The following CPLANE1 variants were observed in gnomAD, a reference collection of about 807,000 sequenced individuals.
The protein encoded by CPLANE1 is ciliogenesis and planar polarity effector complex subunit 1.
In CPLANE1, 263 loss-of-function variants were observed where a neutral mutation model predicts 362.5. The observed-to-expected ratio is 0.73, with a 90% CI of 0.66 to 0.80. CPLANE1 has a LOEUF of 0.80. Ranked by LOEUF, CPLANE1 falls within the 30% of genes least tolerant of loss-of-function variation. The pLI is 0.00. For synonymous variants in CPLANE1, 1,212 were observed against 1,302.6 expected (o/e 0.93, Z 1.50); for missense variants, 3,461 against 3,793.4 (o/e 0.91, Z 2.30).
Position 37,169,220 on chromosome 5 carries a change from T to C in CPLANE1, c.6804A>G (p.Gln2268=), listed in dbSNP as rs1580368366. The change falls in exon 34 of 53, where the codon CAA becomes CAG. Residue 2268 remains glutamine, a synonymous_variant. Coordinates refer to ENST00000651892, the MANE Select transcript of CPLANE1 (RefSeq NM_001384732.1). The part of the protein sequence containing the change: ...REAWGLSDSF[Q]PALPQRAAQT... ...GTGCTGCTCTCTGTGGCAGAGCAGGTTGGAAGGAGTCAGATAATCCCCAAG... is the reference window on the plus strand; with the variant it reads ...GTGCTGCTCTCTGTGGCAGAGCAGGCTGGAAGGAGTCAGATAATCCCCAAG... The C allele has an allele frequency of 5.6e-6, 9 of 1,614,088 alleles. No homozygotes were observed. The highest frequency in any genetic ancestry group is 1.6e-4 in the Middle Eastern group (1 of 6,062).
intron 38 of CPLANE1, among the ~76,000 whole-genome samples, chr5:37,160,960 C>G (rs990400276): frequency 6.6e-6 from 1 of 152,122 alleles, no homozygotes. Context: ...CGTGAGCCAC[C>G]GCGCCCAGCC....
intron 14 of CPLANE1, among the ~76,000 whole-genome samples, chr5:37,224,051 A>G (rs1795918199): frequency 1.3e-5 from 2 of 152,324 alleles, no homozygotes; most frequent in South Asian, 2.1e-4. Flanking sequence ...CAAGTTGCCT[A>G]CAACATGTAT....
At chr5:37,080,809 C>A in the CPLANE1 span, among the ~76,000 whole-genome samples, 1 of 151,984 alleles carries the variant, frequency 6.6e-6, no homozygotes, top group Non-Finnish European at 1.5e-5. Flanking sequence ...AGAGTAAGGC[C>A]CACAAAGCAT....
chr5:37,169,584 T>G (rs1205003061), intron 33 of CPLANE1, 23 bp from the exon 34 acceptor site: 1 of 1,548,972 alleles, frequency 6.5e-7, no homozygotes, highest in Non-Finnish European at 8.7e-7. Context: ...AAAGATATTA[T>G]GTAAGTTTAG....
chr5:37,169,196 T>C lies in CPLANE1; in HGVS notation c.6828A>G (p.Ala2276=). Residue 2276 remains alanine, a synonymous_variant, in exon 34 of 53, where the codon GCA becomes GCG. Transcript: ENST00000651892. ...SFQPALPQRA[A]QTTPASHLNV... ...TCAAATGGGATGCTGGAGTAGTTTG[T>C]GCTGCTCTCTGTGGCAGAGCAGGTT... The C allele has an allele frequency of 6.2e-7, 1 of 1,614,202 alleles. No homozygotes were observed. The highest frequency in any genetic ancestry group is 8.5e-7 in the Non-Finnish European group (1 of 1,180,028).
rs1287781089 is a variant in CPLANE1, at chr5:37,213,633, T to C, written c.2846A>G (p.Tyr949Cys). 4.5e-6 allele frequency: 7 copies of C among 1,547,608 alleles called. No individual in the cohort carries two copies. The East Asian group carries it at 9.8e-5, about 22-fold the overall frequency. The stretch of plus-strand genomic sequence containing the variant: ...AATGCAAAGCTGCTGATTGGTGAAA[T>C]AGGCAGCCATGAAACGAGCCATGGA... ...VQSMARFMAA[Y>C]FTNQQLCILP... The change falls in exon 16 of 53, where the codon TAT becomes TGT. Residue 949 changes from tyrosine to cysteine, a missense_variant. Physicochemically the swap from Tyr to Cys is radical, Grantham distance 194. This residue lies in a region of CPLANE1 where 3,380 missense variants were observed against 3,666.1 expected (regional missense o/e 0.92). Coordinates refer to ENST00000651892, the MANE Select transcript of CPLANE1 (RefSeq NM_001384732.1).
intron 14 of CPLANE1, among the ~76,000 whole-genome samples, chr5:37,222,091 T>G (rs2150368678): frequency 6.6e-6 from 1 of 152,132 alleles, no homozygotes; most frequent in South Asian, 2.1e-4. Flanking sequence ...TTTACGTATC[T>G]GAAGAATGAA....
intron 43 of CPLANE1, among the ~76,000 whole-genome samples, chr5:37,145,900 C>T (rs1771428346): frequency 6.6e-6 from 1 of 152,110 alleles, no homozygotes; most frequent in South Asian, 2.1e-4. Flanking sequence ...TAGGTACATG[C>T]TGGACACAAA....
chr5:37,185,302 A>G (rs1239439029), intron 24 of CPLANE1, among the ~76,000 whole-genome samples: 1 of 152,172 alleles, frequency 6.6e-6, no homozygotes, highest in African/African-American at 2.4e-5. Context: ...ACAGTAAAAG[A>G]GACAGAACCT....
At chr5:37,244,983 C>A (rs1244469614) in intron 4 of CPLANE1, among the ~76,000 whole-genome samples, 5 of 151,746 alleles carry the variant, frequency 3.3e-5, no homozygotes, top group African/African-American at 1.2e-4. Context: ...AACCCCGTCT[C>A]TACTAAAAAT....
chr5:37,173,358 T>C (rs1780314787), intron 32 of CPLANE1, among the ~76,000 whole-genome samples: 1 of 152,236 alleles, frequency 6.6e-6, no homozygotes, highest in Non-Finnish European at 1.5e-5. Flanking sequence ...CACCTCACTT[T>C]TGTGAGCAGC....
intron 19 of CPLANE1, among the ~76,000 whole-genome samples, chr5:37,200,917 G>A (rs914727584): frequency 6.6e-6 from 1 of 152,006 alleles, no homozygotes; most frequent in African/African-American, 2.4e-5. Context: ...TCTACCTCCC[G>A]GGCTCAAGCC....
Position 37,157,692 on chromosome 5 carries a change from G to T in CPLANE1, c.7989C>A (p.Pro2663=). The change falls in exon 40 of 53, where the codon CCC becomes CCA. Residue 2663 remains proline (P), a synonymous_variant. Transcript: ENST00000651892. ...TACCTTGACTCTTAAAATTATGTGG[G>T]GGAACAGCATTAGTAACTGAAGCTG... The part of the protein sequence containing the change: ...YMAASVTNAV[P]PHNFKSQEVT... 1 of 1,613,342 alleles carries T rather than the reference G, an allele frequency of 6.2e-7. No individual in the cohort carries two copies. The highest frequency in any genetic ancestry group is 8.5e-7 in the Non-Finnish European group (1 of 1,179,716).
At chr5:37,200,187 T>A (rs1233304128) in intron 19 of CPLANE1, among the ~76,000 whole-genome samples, 1 of 152,240 alleles carries the variant, frequency 6.6e-6, no homozygotes, top group Non-Finnish European at 1.5e-5. Flanking sequence ...AATGCCGTTA[T>A]TGTTTAAACC....
At chr5:37,141,873 A>G (rs1357063871) in intron 44 of CPLANE1, 6 of 781,570 alleles carry the variant, frequency 7.7e-6, no homozygotes, top group African/African-American at 1.9e-5. Context: ...AGATAATAAT[A>G]GTGTCTACAC....
chr5:37,114,910 AAAG>A, intron 51 of CPLANE1, 47 bp downstream of exon 51: 1 of 1,205,886 alleles, frequency 8.3e-7, no homozygotes, highest in East Asian at 2.4e-5. Flanking sequence ...AAAAAAAAAA[AAAG>A]AAAATTCAGT....
chr5:37,076,001 T>C, the CPLANE1 span, among the ~76,000 whole-genome samples: 1 of 152,054 alleles, frequency 6.6e-6, no homozygotes, highest in Non-Finnish European at 1.5e-5. Flanking sequence ...CCCAGCACTT[T>C]GGGAGGCTGA....
At chr5:37,142,924 T>C (rs1481434748) in intron 43 of CPLANE1, among the ~76,000 whole-genome samples, 1 of 152,198 alleles carries the variant, frequency 6.6e-6, no homozygotes, top group Non-Finnish European at 1.5e-5. Context: ...TACCTTCATG[T>C]ATCTTAGAGC....
rs984628582 is a variant in CPLANE1, at chr5:37,201,709, A to G, written c.3389T>C (p.Phe1130Ser). ...MADADILSET[F>S]QLLIDSAKDF... ...CTTGGCAGAGTCTATCAGAAGTTGA[A>G]ATGTCTCCGAAAGAATATCTGCATC... The change falls in exon 19 of 53, where the codon TTT (phenylalanine) becomes TCT (serine). Residue 1130 changes from phenylalanine (F) to serine (S), a missense_variant. Physicochemically the swap from Phe to Ser is radical, Grantham distance 155. Coordinates refer to ENST00000651892, the MANE Select transcript of CPLANE1 (RefSeq NM_001384732.1). 15 of 1,613,996 alleles carry G rather than the reference A, an allele frequency of 9.3e-6. No homozygotes were observed. The highest frequency in any genetic ancestry group is 1.3e-5 in the Non-Finnish European group (15 of 1,179,980).
Sources: gnomAD v4.1 joint callset for allele counts (sites outside exome capture counted in the v4.1 genomes callset) on GRCh38, gnomAD v4.1.1 for gene constraint, gnomAD v4.1.1 regional missense constraint, MANE v1.5 for transcripts, NCBI Gene and HGNC (gene_info 2026-07-23, HGNC 2026-07-21) for gene names.